Variants in TMEM45B observed in about 807,000 individuals in gnomAD.
The protein encoded by TMEM45B is transmembrane protein 45B.
Under a neutral mutation model 27.3 loss-of-function variants are expected in TMEM45B, and 29 were observed. The observed-to-expected ratio is 1.06, with a 90% CI of 0.79 to 1.45. The LOEUF (loss-of-function observed/expected upper bound fraction) is 1.45, where lower values mean the gene tolerates loss of function less well. TMEM45B is among the 40% of genes most tolerant of loss of function. TMEM45B has a pLI of 0.00. For missense variants in TMEM45B, 348 were observed against 343.9 expected, an observed-to-expected ratio of 1.01 and a Z score of -0.09; for synonymous variants, 143 against 134.7, an observed-to-expected ratio of 1.06 and a Z score of -0.43.
intron 1 of TMEM45B, chr11:129,850,741 T>C (rs118049519): frequency 0.017 from 2,525 of 152,334 alleles, 39 homozygotes; most frequent in South Asian, 0.041. Flanking sequence ...CATGACCACT[T>C]AGGCAATCTC....
Position 129,818,656 on chromosome 11 carries a change from T to C in TMEM45B, c.-9+2758T>C, listed in dbSNP as rs1947380389. ...TGAATTTTGTGATGGAAGATTGTGATTTGTTTTTCCCGAACACTTAATATG... is the reference window on the plus strand; with the variant it reads ...TGAATTTTGTGATGGAAGATTGTGACTTGTTTTTCCCGAACACTTAATATG... On this transcript the variant is annotated intron_variant, in intron 1 of 5. Transcript: ENST00000281441. 3.3e-5 allele frequency among the ~76,000 whole-genome samples: 5 copies of C among 152,242 alleles called. 1 individual carries two copies. In the South Asian group the frequency reaches 1.0e-3, roughly 31 times the overall value.
chr11:129,856,577 T>TTTTA (rs1947929260), intron 4 of TMEM45B, among the ~76,000 whole-genome samples: 1 of 20,404 alleles, frequency 4.9e-5, no homozygotes, highest in African/African-American at 1.3e-4. Context: ...TTTTTTTTTC[T>TTTTA]GAGACAGAGT....
At chr11:129,843,008 C>T (rs1947713729) in intron 1 of TMEM45B, among the ~76,000 whole-genome samples, 2 of 152,216 alleles carry the variant, frequency 1.3e-5, no homozygotes, top group South Asian at 2.1e-4. Context: ...GGTGCAATCT[C>T]GGCTCACTGT....
At chr11:129,853,460 T>C (rs1187998340) in intron 2 of TMEM45B, among the ~76,000 whole-genome samples, 2 of 152,252 alleles carry the variant, frequency 1.3e-5, no homozygotes, top group Non-Finnish European at 2.9e-5. Context: ...GTTGGTCTCA[T>C]CCTGCTGAAT....
chr11:129,846,555 T>C (rs1947763284), intron 1 of TMEM45B, among the ~76,000 whole-genome samples: 1 of 152,178 alleles, frequency 6.6e-6, no homozygotes, highest in Non-Finnish European at 1.5e-5. Flanking sequence ...TACTGAGTGC[T>C]CACTCTGTGT....
intron 1 of TMEM45B, among the ~76,000 whole-genome samples, chr11:129,835,490 A>T (rs1947609312): frequency 1.3e-5 from 2 of 152,238 alleles, no homozygotes; most frequent in African/African-American, 4.8e-5. Context: ...GGAAGAAATG[A>T]AGGAAGATTG....
chr11:129,847,805 C>A (rs1372073276), intron 1 of TMEM45B, among the ~76,000 whole-genome samples: 1 of 152,126 alleles, frequency 6.6e-6, no homozygotes, highest in African/African-American at 2.4e-5. Flanking sequence ...GACACAGCAA[C>A]CATCCGATTT....
intron 1 of TMEM45B, among the ~76,000 whole-genome samples, chr11:129,842,456 T>A (rs536341465): frequency 6.6e-6 from 1 of 152,108 alleles, no homozygotes; most frequent in East Asian, 1.9e-4. Flanking sequence ...CATAGAGCAA[T>A]GGAACAGAAT....
intron 1 of TMEM45B, among the ~76,000 whole-genome samples, chr11:129,847,770 TC>T (rs1320955776): frequency 2.0e-5 from 3 of 152,062 alleles, no homozygotes; most frequent in African/African-American, 7.2e-5. Flanking sequence ...ATGAAAAGTC[TC>T]CCATGTCTAC....
intron 1 of TMEM45B, among the ~76,000 whole-genome samples, chr11:129,849,051 G>A (rs1219524076): frequency 3.9e-5 from 6 of 152,122 alleles, no homozygotes; most frequent in South Asian, 2.1e-4. Context: ...CAGAATTCAC[G>A]TACTTCTCAC....
At chr11:129,817,037 C>T (rs373110352) in intron 1 of TMEM45B, among the ~76,000 whole-genome samples, 3 of 152,062 alleles carry the variant, frequency 2.0e-5, no homozygotes, top group African/African-American at 7.2e-5. Context: ...TGAACCACCG[C>T]GCCCAGCTAG....
At chr11:129,847,081 T>C (rs1287081887) in intron 1 of TMEM45B, among the ~76,000 whole-genome samples, 5 of 152,090 alleles carry the variant, frequency 3.3e-5, no homozygotes, top group African/African-American at 4.8e-5. Flanking sequence ...GCTATGAAAA[T>C]AGCAGGGTGG....
chr11:129,832,226 C>T (rs988240519), intron 1 of TMEM45B, among the ~76,000 whole-genome samples: 1 of 151,744 alleles, frequency 6.6e-6, no homozygotes, highest in African/African-American at 2.4e-5. Flanking sequence ...GAAAATTAGC[C>T]GGGCATGGTG....
intron 1 of TMEM45B, among the ~76,000 whole-genome samples, chr11:129,824,651 A>G (rs1947457903): frequency 6.6e-6 from 1 of 152,236 alleles, no homozygotes; most frequent in East Asian, 1.9e-4. Flanking sequence ...AAGAACTATT[A>G]TTATGTATCA....
At chr11:129,853,325 TG>T (rs1947875648) in intron 2 of TMEM45B, among the ~76,000 whole-genome samples, 1 of 152,180 alleles carries the variant, frequency 6.6e-6, no homozygotes, top group South Asian at 2.1e-4. Flanking sequence ...CAGCCCCACC[TG>T]GGGGGAATGA....
intron 1 of TMEM45B, among the ~76,000 whole-genome samples, chr11:129,816,355 C>T (rs1947351189): frequency 6.6e-6 from 1 of 152,150 alleles, no homozygotes; most frequent in South Asian, 2.1e-4. Context: ...CCAGTCACAG[C>T]TCACATAGCT....
chr11:129,838,024 C>T (rs1947646004), intron 1 of TMEM45B, among the ~76,000 whole-genome samples: 1 of 151,780 alleles, frequency 6.6e-6, no homozygotes, highest in African/African-American at 2.4e-5. Context: ...TCAGGTGATC[C>T]ACCCACCTCA....
chr11:129,850,899 C>T (rs1463568823), intron 1 of TMEM45B, among the ~76,000 whole-genome samples: 2 of 152,188 alleles, frequency 1.3e-5, no homozygotes, highest in South Asian at 4.1e-4. Flanking sequence ...AGCTTGTATT[C>T]ATTATCCAGT....
chr11:129,817,208 G>A (rs147211213), intron 1 of TMEM45B, among the ~76,000 whole-genome samples: 1 of 152,220 alleles, frequency 6.6e-6, no homozygotes, highest in East Asian at 1.9e-4. Context: ...AGAAAGGATG[G>A]CTTATTGTTC....
Sources: allele counts gnomAD v4.1 joint callset (sites outside exome capture counted in the v4.1 genomes callset), GRCh38; gene constraint gnomAD v4.1.1; transcripts MANE v1.5; gene names NCBI Gene and HGNC (gene_info 2026-07-23, HGNC 2026-07-21).